ACAD10: variants seen among roughly 807,000 people sequenced by gnomAD.
The protein encoded by ACAD10 is acyl-CoA dehydrogenase family member 10, also known as ACAD-10.
Under a neutral mutation model 116.8 loss-of-function variants are expected in ACAD10, and 112 were observed. The observed-to-expected ratio is 0.96, with a 90% CI of 0.82 to 1.12. The LOEUF is 1.12. ACAD10 is among the 50% of genes most tolerant of loss of function. The pLI is 0.00. For synonymous variants in ACAD10, 486 were observed against 510.6 expected (o/e 0.95, Z 0.65); for missense variants, 1,259 against 1,350.2 (o/e 0.93, Z 1.06).
At chr12:111,741,780 A>G (rs987769307) in intron 12 of ACAD10, among the ~76,000 whole-genome samples, 4 of 152,354 alleles carry the variant, frequency 2.6e-5, no homozygotes, top group African/African-American at 9.6e-5. Context: ...GTCTTCTACA[A>G]TTAGCTTTAA....
At chr12:111,734,342 T>C (rs1267192865) in intron 11 of ACAD10, among the ~76,000 whole-genome samples, 2 of 152,218 alleles carry the variant, frequency 1.3e-5, no homozygotes, top group Non-Finnish European at 2.9e-5. Context: ...AACACATTCA[T>C]TGTGGCTGGG....
chr12:111,734,061 G>T lies in ACAD10; in HGVS notation c.1533G>T (p.Val511=), dbSNP rs145524708. The T allele has an allele frequency of 1.3e-4, 204 of 1,614,174 alleles. No individual in the cohort carries two copies. The African/African-American group carries it at 2.3e-3, about 19-fold the overall frequency. Residue 511 remains valine (V), a synonymous_variant, in exon 11 of 21, where the codon GTG becomes GTT. Transcript: ENST00000313698. ...ATTACCTGCCATCCAGTTTTCCCGT[G>T]CTGAGAGGTAGGAACTGCTGCTGGA... ...LAHYLPSSFP[V]LRGINDCDLT...
In ACAD10 at chr12:111,749,202, G is replaced by A. The variant is rs755654625; in HGVS notation, c.2674G>A (p.Val892Met). The A allele has an allele frequency of 2.0e-5, 33 of 1,613,808 alleles. No homozygotes were observed. Among genetic ancestry groups the A allele is most frequent in the Non-Finnish European group, 2.5e-5 (30 of 1,179,776 alleles). The change falls in exon 18 of 21, where the codon GTG becomes ATG. Residue 892 changes from valine (V) to methionine (M), a missense_variant. By Grantham distance (21) the Val-to-Met change is conservative. Transcript: ENST00000313698. ...CCATGGTGAAGTCCGATTTGAGCAC[G>A]TGCGTGTGCCCAAAGAGAACATGGT... ...GGHGEVRFEHVRVPKENMVLG... is the reference protein window; with the variant it reads ...GGHGEVRFEHMRVPKENMVLG...
chr12:111,726,218 C>T (rs1453735560), intron 8 of ACAD10, among the ~76,000 whole-genome samples: 1 of 152,024 alleles, frequency 6.6e-6, no homozygotes, highest in African/African-American at 2.4e-5. Flanking sequence ...CGCACCACTG[C>T]ACTCCAGCCT....
In ACAD10 at chr12:111,747,204, C is replaced by T. The variant is rs1889934807; in HGVS notation, c.2394+18C>T. 4.4e-6 allele frequency: 7 copies of T among 1,607,556 alleles called. No homozygotes were observed. Among genetic ancestry groups the T allele is most frequent in the Non-Finnish European group, 6.0e-6 (7 of 1,174,842 alleles). On this transcript the variant is annotated intron_variant, in intron 15 of 20. Transcript: ENST00000313698. ...AGCCCCAGGTACGTCGCCTGGGCTGCCACCCACTTGCCTGGCCCTGTTGTT... is the reference window on the plus strand; with the variant it reads ...AGCCCCAGGTACGTCGCCTGGGCTGTCACCCACTTGCCTGGCCCTGTTGTT...
At position 111,712,494 on chromosome 12, in the gene ACAD10, C is replaced by T. The variant is rs748509920; in HGVS notation, c.691-4C>T. The T allele has an allele frequency of 1.5e-5, 24 of 1,609,234 alleles. No homozygotes were observed. The highest frequency in any genetic ancestry group is 2.7e-5 in the African/African-American group (2 of 74,590). On this transcript the variant is annotated splice_polypyrimidine_tract_variant and splice_region_variant and intron_variant, in intron 5 of 20. Transcript: ENST00000313698. ...ATACATCTACATATTCTCTCTGAAACCAGGTTAATGACCCAGAGACTGCAG... is the reference window on the plus strand; with the variant it reads ...ATACATCTACATATTCTCTCTGAAATCAGGTTAATGACCCAGAGACTGCAG...
intron 12 of ACAD10, among the ~76,000 whole-genome samples, chr12:111,737,841 G>GGTGTGT (rs150399090): frequency 4.9e-4 from 72 of 146,464 alleles, no homozygotes; most frequent in South Asian, 3.3e-3. Flanking sequence ...CAAATTTCTT[G>GGTGTGT]GTGTGTGTGT....
chr12:111,718,423 G>A (rs1888912867), intron 7 of ACAD10, among the ~76,000 whole-genome samples: 1 of 152,044 alleles, frequency 6.6e-6, no homozygotes, highest in Admixed American at 6.6e-5. Context: ...AGTCTAGCTA[G>A]GGATTTATCA....
At chr12:111,734,752 A>G (rs559731448) in intron 11 of ACAD10, among the ~76,000 whole-genome samples, 2 of 152,352 alleles carry the variant, frequency 1.3e-5, no homozygotes, top group South Asian at 2.1e-4. Context: ...GTATCTATCC[A>G]TGTCATCTTT....
At position 111,749,172 on chromosome 12, in the gene ACAD10, G is replaced by A; in HGVS notation, c.2645-1G>A. The stretch of plus-strand genomic sequence containing the variant: ...TCACAGTGATCGTTTGGGTCTTTCA[G>A]GTGGCCATGGTGAAGTCCGATTTGA... On this transcript the variant is annotated splice_acceptor_variant, in intron 17 of 20. Transcript: ENST00000313698. LOFTEE classifies it high-confidence loss of function. 1 of 1,612,632 alleles carries A rather than the reference G, an allele frequency of 6.2e-7. No individual in the cohort carries two copies. The highest frequency in any genetic ancestry group is 8.5e-7 in the Non-Finnish European group (1 of 1,178,734).
intron 4 of ACAD10, among the ~76,000 whole-genome samples, chr12:111,709,227 T>G (rs994523784): frequency 6.6e-6 from 1 of 152,086 alleles, no homozygotes; most frequent in African/African-American, 2.4e-5. Context: ...ATTAATATTA[T>G]TCCCATTTTA....
At chr12:111,730,423 T>A (rs1333507048) in intron 10 of ACAD10, among the ~76,000 whole-genome samples, 1 of 151,886 alleles carries the variant, frequency 6.6e-6, no homozygotes, top group African/African-American at 2.4e-5. Context: ...GGATGGACAT[T>A]CTCACTGGGT....
chr12:111,732,568 CAT>C (rs1566160185), intron 10 of ACAD10, among the ~76,000 whole-genome samples: 2 of 152,158 alleles, frequency 1.3e-5, no homozygotes, highest in Non-Finnish European at 1.5e-5. Flanking sequence ...AAGGTGGACA[CAT>C]GAGTTCTGTC....
Position 111,715,982 on chromosome 12 carries a change from G to A in ACAD10, c.992+20G>A, listed in dbSNP as rs1453842823. On this transcript the variant is annotated intron_variant, in intron 7 of 20. Transcript: ENST00000313698. ...GTTCAGGTAAGTTTTCAGGGCCAGGGGAGCACTTGCCCACTAGCCTCCACT... is the reference window on the plus strand; with the variant it reads ...GTTCAGGTAAGTTTTCAGGGCCAGGAGAGCACTTGCCCACTAGCCTCCACT... The A allele has an allele frequency of 6.2e-7, 1 of 1,613,720 alleles. No homozygotes were observed. Among genetic ancestry groups the A allele is most frequent in the South Asian group, 1.1e-5 (1 of 91,058 alleles).
intron 1 of ACAD10, among the ~76,000 whole-genome samples, chr12:111,691,763 T>G (rs1888051138): frequency 6.6e-6 from 1 of 151,302 alleles, no homozygotes; most frequent in African/African-American, 2.4e-5. Context: ...CCCAGGTTAT[T>G]TTTGTGTTTT....
In ACAD10 at chr12:111,749,361, C is replaced by A; in HGVS notation, c.2817+16C>A. The A allele has an allele frequency of 6.2e-7, 1 of 1,604,346 alleles. No individual in the cohort carries two copies. Among genetic ancestry groups the A allele is most frequent in the South Asian group, 1.1e-5 (1 of 90,818 alleles). On this transcript the variant is annotated intron_variant, in intron 18 of 20. Coordinates refer to ENST00000313698, the MANE Select transcript of ACAD10 (RefSeq NM_025247.6). ...GAAGGCCCGCGTGAGTGCTTTCCCC[C>A]GCACCCAGCACTGACTCAGAACCAC...
intron 7 of ACAD10, 96 bp from the exon 8 acceptor site, chr12:111,721,575 A>AAAAC (rs879064218): frequency 2.4e-6 from 3 of 1,251,592 alleles, no homozygotes; most frequent in Non-Finnish European, 2.3e-6. Context: ...CTCAAAAAAC[A>AAAAC]AAACAAACAA....
rs555437263 is a variant in ACAD10, at chr12:111,745,240, A to G, written c.2115+197A>G. 5.7e-5 allele frequency: 37 copies of G among 649,360 alleles called. 1 individual carries two copies. In the East Asian group the frequency reaches 9.7e-4, roughly 17 times the overall value. 40.2% of individuals were successfully genotyped at this position (649,360 alleles called of 1,614,324 possible). A position where few individuals can be genotyped will look rare whatever the true frequency, so the allele number is the denominator to read the frequency against. On this transcript the variant is annotated intron_variant, in intron 13 of 20. Transcript: ENST00000313698. ...CTCTTGCTCTTGCTGTGCCTGTGTC[A>G]CAGGCAGATGGCTCAGGTGTGACTG...
intron 11 of ACAD10, among the ~76,000 whole-genome samples, chr12:111,734,693 CA>C (rs1889496776): frequency 6.6e-6 from 1 of 152,114 alleles, no homozygotes; most frequent in African/African-American, 2.4e-5. Context: ...AACAACAAAA[CA>C]GTTAAAATCA....
Sources: gnomAD v4.1 joint callset for allele counts (sites outside exome capture counted in the v4.1 genomes callset) on GRCh38, gnomAD v4.1.1 for gene constraint, MANE v1.5 for transcripts, NCBI Gene and HGNC (gene_info 2026-07-23, HGNC 2026-07-21) for gene names.